Variants in FBXW8 observed in about 807,000 individuals in gnomAD.
The protein encoded by FBXW8 is F-box and WD repeat domain containing 8.
In FBXW8, 57 loss-of-function variants were observed where a neutral mutation model predicts 65.3. The observed-to-expected ratio is 0.87, with a 90% confidence interval of 0.71 to 1.09. FBXW8 has a LOEUF of 1.09. FBXW8 is among the 50% of genes least tolerant of loss of function. The pLI, the probability that FBXW8 is intolerant of heterozygous loss-of-function variation, is 0.00. For missense variants in FBXW8, 777 were observed against 814.8 expected (o/e 0.95, Z 0.57); for synonymous variants, 308 against 330.2 (o/e 0.93, Z 0.73).
chr12:117,015,349 C>T (rs926615336), intron 8 of FBXW8, among the ~76,000 whole-genome samples: 9 of 152,092 alleles, frequency 5.9e-5, no homozygotes, highest in Non-Finnish European at 8.8e-5. Context: ...TGCTGGCAGT[C>T]GGCAGGAGAG....
rs1298591731 is a variant in FBXW8, at chr12:116,949,752, T to C, written c.677+46T>C. Reference sequence around the variant, plus strand: ...TGAGTGCTCTGCATCTGAAGGTCTTTCATTTTTCTCATACCACCCTCTGAG... The same window carrying C: ...TGAGTGCTCTGCATCTGAAGGTCTTCCATTTTTCTCATACCACCCTCTGAG... On this transcript the variant is annotated intron_variant, in intron 4 of 10. Transcript: ENST00000652555. 3 of 1,545,230 alleles carry C rather than the reference T, an allele frequency of 1.9e-6. No individual in the cohort carries two copies. In the African/African-American group the frequency reaches 4.1e-5, roughly 21 times the overall value.
chr12:117,001,707 G>A lies in FBXW8; in HGVS notation c.1240-8616G>A, dbSNP rs955143207. ...CATGCTCTCTGTGGGGATGAGGCCT[G>A]TTGGGAGCATGAAGGAGGGTGTAAG... On this transcript the variant is annotated intron_variant, in intron 7 of 10. Transcript: ENST00000652555. Among the ~76,000 whole-genome samples, 4 of 152,180 alleles carry A rather than the reference G, an allele frequency of 2.6e-5. No homozygotes were observed. The East Asian group carries it at 7.7e-4, about 29-fold the overall frequency.
At chr12:116,952,812 A>C (rs963323647) in intron 4 of FBXW8, among the ~76,000 whole-genome samples, 26 of 152,226 alleles carry the variant, frequency 1.7e-4, no homozygotes, top group Non-Finnish European at 3.5e-4. Flanking sequence ...ATCTCAGCTC[A>C]CTGCAACCTC....
intron 5 of FBXW8, among the ~76,000 whole-genome samples, chr12:116,967,803 G>A (rs1011278966): frequency 1.8e-4 from 27 of 152,126 alleles, no homozygotes; most frequent in African/African-American, 6.3e-4. Flanking sequence ...GTCTGGCTTT[G>A]TCATCCAGAC....
At chr12:117,022,989 GGTATTTT>G (rs1642057241) in intron 8 of FBXW8, among the ~76,000 whole-genome samples, 1 of 152,100 alleles carries the variant, frequency 6.6e-6, no homozygotes, top group Non-Finnish European at 1.5e-5. Flanking sequence ...TTCTTGTTCT[GGTATTTT>G]GCTATGCCAC....
intron 1 of FBXW8, among the ~76,000 whole-genome samples, chr12:116,919,176 C>CAT (rs1319722258): frequency 6.6e-6 from 1 of 152,210 alleles, no homozygotes; most frequent in East Asian, 1.9e-4. Flanking sequence ...GTTCATCCAA[C>CAT]ATATATTCAT....
At chr12:116,934,254 T>G (rs1465343691) in intron 2 of FBXW8, among the ~76,000 whole-genome samples, 3 of 152,198 alleles carry the variant, frequency 2.0e-5, no homozygotes, top group Admixed American at 1.3e-4. Flanking sequence ...CTGTGTGTAC[T>G]TTTGATGCTG....
chr12:116,978,823 A>G (rs1386758178), intron 5 of FBXW8: 1 of 152,186 alleles, frequency 6.6e-6, no homozygotes, highest in Non-Finnish European at 1.5e-5. Flanking sequence ...TTTTTTTTCC[A>G]AAACCAGTTC....
intron 2 of FBXW8, among the ~76,000 whole-genome samples, chr12:116,938,361 T>G (rs1453409291): frequency 6.6e-6 from 1 of 152,208 alleles, no homozygotes; most frequent in African/African-American, 2.4e-5. Flanking sequence ...TTTTTATTTG[T>G]TATCCAGGAC....
intron 3 of FBXW8, among the ~76,000 whole-genome samples, chr12:116,947,353 C>A (rs1485878719): frequency 2.6e-5 from 4 of 152,060 alleles, no homozygotes; most frequent in Non-Finnish European, 4.4e-5. Context: ...ACAGTGTTAA[C>A]AAGGAGAATT....
chr12:116,970,284 G>A lies in FBXW8; in HGVS notation c.835+5430G>A, dbSNP rs115001362. Among the ~76,000 whole-genome samples, 1,395 of 152,260 alleles carry A rather than the reference G, an allele frequency of 9.2e-3. 15 individuals are homozygous for A. Among genetic ancestry groups the A allele is most frequent in the African/African-American group, 0.03 (1,264 of 41,552 alleles). The stretch of plus-strand genomic sequence containing the variant: ...CCCTCAGTAGAGAGAGGAGAGACGC[G>A]ATCTGGTGCATATTAGCATGAGGAA... On this transcript the variant is annotated intron_variant, in intron 5 of 10. Coordinates refer to ENST00000652555, the MANE Select transcript of FBXW8 (RefSeq NM_153348.3).
intron 7 of FBXW8, among the ~76,000 whole-genome samples, chr12:116,991,635 G>C (rs1953243230): frequency 6.6e-6 from 1 of 152,104 alleles, no homozygotes; most frequent in Non-Finnish European, 1.5e-5. Context: ...TCCACACTAG[G>C]GTTTGTGTCT....
chr12:117,006,758 C>T (rs1953686309), intron 7 of FBXW8, among the ~76,000 whole-genome samples: 1 of 152,224 alleles, frequency 6.6e-6, no homozygotes, highest in South Asian at 2.1e-4. Flanking sequence ...GCATGTCACC[C>T]AGCGTCCCTG....
Position 117,028,378 on chromosome 12 carries a change from C to T in FBXW8, c.*206C>T, listed in dbSNP as rs923475480. The T allele has an allele frequency of 1.4e-5, 9 of 630,132 alleles. No homozygotes were observed. The highest frequency in any genetic ancestry group is 6.0e-5 in the Admixed American group (2 of 33,508). 39.0% of individuals were successfully genotyped at this position (630,132 alleles called of 1,614,324 possible). ...GGCGTGTGCCAGGGCTCGAGTCCCACGTGCTGCCAACTCAAACATAGCCTC... is the reference window on the plus strand; with the variant it reads ...GGCGTGTGCCAGGGCTCGAGTCCCATGTGCTGCCAACTCAAACATAGCCTC... On this transcript the variant is annotated 3_prime_UTR_variant, in exon 11 of 11. Coordinates refer to ENST00000652555, the MANE Select transcript of FBXW8 (RefSeq NM_153348.3). The surrounding 1 kb of genome is among the most constrained non-coding windows in gnomAD (Gnocchi z 4.1).
At chr12:116,954,254 T>C (rs1266188522) in intron 4 of FBXW8, among the ~76,000 whole-genome samples, 1 of 152,188 alleles carries the variant, frequency 6.6e-6, no homozygotes, top group Non-Finnish European at 1.5e-5. Context: ...GTGTCTGGTT[T>C]GGTTTTCAGT....
intron 7 of FBXW8, among the ~76,000 whole-genome samples, chr12:116,999,018 T>C (rs1953445772): frequency 6.6e-6 from 1 of 152,250 alleles, no homozygotes; most frequent in South Asian, 2.1e-4. Context: ...TATAGGGCAC[T>C]GTGTTAGAGA....
chr12:117,010,583 A>G (rs1187250740), intron 8 of FBXW8, 133 bp downstream of exon 8: 4 of 1,135,652 alleles, frequency 3.5e-6, no homozygotes, highest in Non-Finnish European at 5.1e-6. Flanking sequence ...GATCCCATAA[A>G]CACTCTAGAC....
chr12:117,007,047 CTG>C (rs1953693648), intron 7 of FBXW8, among the ~76,000 whole-genome samples: 2 of 152,130 alleles, frequency 1.3e-5, no homozygotes. Flanking sequence ...ATATATCAAA[CTG>C]TTAAAAGTGG....
At chr12:116,921,114 C>T (rs938223619) in intron 1 of FBXW8, among the ~76,000 whole-genome samples, 6 of 152,178 alleles carry the variant, frequency 3.9e-5, no homozygotes, top group African/African-American at 9.7e-5. Flanking sequence ...ACCTTCTTTC[C>T]TTGCCAGAGT....
Sources: gnomAD v4.1 joint callset for allele counts (sites outside exome capture counted in the v4.1 genomes callset) on GRCh38, gnomAD v4.1.1 for gene constraint, Gnocchi (gnomAD v3.1) non-coding constraint, MANE v1.5 for transcripts, NCBI Gene and HGNC (gene_info 2026-07-23, HGNC 2026-07-21) for gene names.